Variants in LINGO2 observed in about 807,000 individuals in gnomAD.
The protein encoded by LINGO2 is leucine rich repeat and Ig domain containing 2.
Under a neutral mutation model 30.6 loss-of-function variants are expected in LINGO2, and 14 were observed. The observed-to-expected ratio is 0.46, with a 90% CI of 0.30 to 0.72. LINGO2 has a LOEUF of 0.72. Among genes scored for constraint, LINGO2 ranks in the 30% least tolerant of loss-of-function variants. The pLI is 0.07. For missense variants in LINGO2, 729 were observed against 751.7 expected (o/e 0.97, Z 0.35); for synonymous variants, 317 against 288.5 (o/e 1.10, Z -1.00).
chr9:28,873,347 T>G, the LINGO2 span, among the ~76,000 whole-genome samples: 1 of 146,238 alleles, frequency 6.8e-6, no homozygotes, highest in Non-Finnish European at 1.5e-5. Context: ...CATTGCACTC[T>G]CTAGCCTGGA....
the LINGO2 span, among the ~76,000 whole-genome samples, chr9:29,031,660 T>G: frequency 6.6e-6 from 1 of 152,158 alleles, no homozygotes; most frequent in Admixed American, 6.6e-5. Context: ...CCTAACTTTC[T>G]TTACGAAGTT....
chr9:28,413,253 G>A (rs548328782), intron 2 of LINGO2, among the ~76,000 whole-genome samples: 5 of 152,060 alleles, frequency 3.3e-5, no homozygotes, highest in African/African-American at 1.2e-4. Flanking sequence ...TATTGTTTAA[G>A]GGTCATCTGA....
chr9:29,051,030 G>A, the LINGO2 span, among the ~76,000 whole-genome samples: 92 of 151,942 alleles, frequency 6.1e-4, no homozygotes, highest in African/African-American at 2.1e-3. Context: ...TTATGTTCCC[G>A]GCAAAATTGA....
chr9:29,064,756 A>AAT, the LINGO2 span, among the ~76,000 whole-genome samples: 1 of 152,108 alleles, frequency 6.6e-6, no homozygotes, highest in Admixed American at 6.6e-5. Context: ...GATTATATCA[A>AAT]ATACTCTAGG....
chr9:28,755,359 C>G, the LINGO2 span, among the ~76,000 whole-genome samples: 1 of 151,854 alleles, frequency 6.6e-6, no homozygotes, highest in Non-Finnish European at 1.5e-5. Flanking sequence ...CTTGAGCAAA[C>G]TACTTAACCT....
chr9:28,517,333 C>T (rs1281958253), intron 1 of LINGO2, among the ~76,000 whole-genome samples: 1 of 152,146 alleles, frequency 6.6e-6, no homozygotes, highest in East Asian at 1.9e-4. Context: ...CCTCTTTTCT[C>T]TTTGTAATTG....
chr9:28,634,472 CT>C (rs1827154112), intron 1 of LINGO2, among the ~76,000 whole-genome samples: 1 of 144,494 alleles, frequency 6.9e-6, no homozygotes, highest in African/African-American at 2.6e-5. Context: ...CACTTTCTTT[CT>C]TTTCTTTTTT....
chr9:29,202,396 T>C, the LINGO2 span, among the ~76,000 whole-genome samples: 4 of 151,870 alleles, frequency 2.6e-5, no homozygotes, highest in Admixed American at 1.3e-4. Flanking sequence ...AGTGGCTTTA[T>C]TAGTAAGTAC....
At chr9:28,846,148 C>T in the LINGO2 span, among the ~76,000 whole-genome samples, 1 of 151,712 alleles carries the variant, frequency 6.6e-6, no homozygotes, top group Non-Finnish European at 1.5e-5. Context: ...GAGAATCCCT[C>T]AGAGATGAAT....
In LINGO2 at chr9:28,317,774, G is replaced by T. The variant is rs1346892923; in HGVS notation, c.-245-22408C>A. ...ATACAGGGTACGAGAACAGCCAGCTGTGTTAGCAGTTACTAACTTTCAAAG... is the reference window on the plus strand; with the variant it reads ...ATACAGGGTACGAGAACAGCCAGCTTTGTTAGCAGTTACTAACTTTCAAAG... On this transcript the variant is annotated intron_variant, in intron 3 of 5. Transcript: ENST00000379992. Among the ~76,000 whole-genome samples, 10 of 152,286 alleles carry T rather than the reference G, an allele frequency of 6.6e-5. No homozygotes were observed. The East Asian group carries it at 1.9e-3, about 29-fold the overall frequency.
At chr9:28,497,618 C>G (rs113311308) in intron 1 of LINGO2, among the ~76,000 whole-genome samples, 1 of 152,206 alleles carries the variant, frequency 6.6e-6, no homozygotes, top group Non-Finnish European at 1.5e-5. Flanking sequence ...CCTCCTTTAG[C>G]TTGGAGAAGT....
chr9:29,111,496 T>C, the LINGO2 span, among the ~76,000 whole-genome samples: 1 of 151,930 alleles, frequency 6.6e-6, no homozygotes, highest in African/African-American at 2.4e-5. Flanking sequence ...CTATATAATA[T>C]ATATACACAC....
the LINGO2 span, among the ~76,000 whole-genome samples, chr9:28,857,523 G>A: frequency 2.1e-3 from 315 of 152,112 alleles, 7 homozygotes; most frequent in East Asian, 0.055. Flanking sequence ...AGTCTGATTC[G>A]AGAGCCCATG....
chr9:28,476,497 G>A (rs537081989), intron 1 of LINGO2, among the ~76,000 whole-genome samples: 100 of 152,096 alleles, frequency 6.6e-4, no homozygotes, highest in African/African-American at 2.3e-3. Context: ...GGATGGTCTC[G>A]ATCTCCTGAC....
At chr9:28,776,269 T>A in the LINGO2 span, among the ~76,000 whole-genome samples, 1 of 147,004 alleles carries the variant, frequency 6.8e-6, no homozygotes, top group Admixed American at 6.8e-5. Flanking sequence ...GCTATCACAA[T>A]TTTTTTCTCT....
chr9:28,987,787 A>T, the LINGO2 span, among the ~76,000 whole-genome samples: 1 of 152,138 alleles, frequency 6.6e-6, no homozygotes, highest in African/African-American at 2.4e-5. Flanking sequence ...TTTAAAATGT[A>T]TTATTTTATC....
At chr9:28,006,031 T>C (rs1185448045) in intron 5 of LINGO2, among the ~76,000 whole-genome samples, 1 of 152,044 alleles carries the variant, frequency 6.6e-6, no homozygotes, top group East Asian at 1.9e-4. Flanking sequence ...CAATTATCAC[T>C]GGGGTAAAAG....
Position 28,262,325 on chromosome 9 carries a change from G to C in LINGO2, c.-87+32883C>G, listed in dbSNP as rs145489619. On this transcript the variant is annotated intron_variant, in intron 4 of 5. Coordinates refer to ENST00000379992, the Ensembl canonical transcript of LINGO2. ...TATTGGTTCCAAAACAAACTGCAGA[G>C]TTAAAAATTACAAAAGATCTATTAT... Among the ~76,000 whole-genome samples the C allele has an allele frequency of 6.1e-4, 92 of 151,788 alleles. No homozygotes were observed. The East Asian group carries it at 0.015, about 25-fold the overall frequency.
At chr9:28,463,214 C>T (rs1442818387) in intron 2 of LINGO2, among the ~76,000 whole-genome samples, 1 of 151,790 alleles carries the variant, frequency 6.6e-6, no homozygotes, top group African/African-American at 2.4e-5. Context: ...TGTAACATCA[C>T]GTATTAAAGG....
Sources: allele counts gnomAD v4.1 joint callset (sites outside exome capture counted in the v4.1 genomes callset), GRCh38; gene constraint gnomAD v4.1.1; transcripts MANE v1.5; gene names NCBI Gene and HGNC (gene_info 2026-07-23, HGNC 2026-07-21).